Variants in HPS5 observed in about 807,000 individuals in gnomAD.
HPS5 encodes BLOC-2 complex member HPS5.
In HPS5, 83 loss-of-function variants were observed where a neutral mutation model predicts 128.0. The observed-to-expected ratio is 0.65, with a 90% confidence interval of 0.54 to 0.78. The LOEUF (loss-of-function observed/expected upper bound fraction) is 0.78, where lower values mean the gene tolerates loss of function less well. HPS5 is among the 30% of genes least tolerant of loss of function. The pLI is 0.00. For synonymous variants in HPS5, 475 were observed against 470.2 expected, an observed-to-expected ratio of 1.01 and a Z score of -0.13; for missense variants, 1,281 against 1,326.2, an observed-to-expected ratio of 0.97 and a Z score of 0.53.
At chr11:18,290,993 T>C (rs548278063) in intron 16 of HPS5, among the ~76,000 whole-genome samples, 18 of 152,260 alleles carry the variant, frequency 1.2e-4, no homozygotes, top group African/African-American at 4.1e-4. Context: ...CCAAGGCAGG[T>C]AGATCACTTG....
At position 18,291,883 on chromosome 11, in the gene HPS5, T is replaced by C. The variant is rs769356274; in HGVS notation, c.1999A>G (p.Met667Val). The change falls in exon 16 of 23, where the codon ATG becomes GTG. Residue 667 changes from methionine to valine, a missense_variant. Physicochemically the swap from Met to Val is conservative, Grantham distance 21. Coordinates refer to ENST00000349215, the MANE Select transcript of HPS5 (RefSeq NM_181507.2). ...AATAGCACATCCTGGTTCAATTTCA[T>C]GGATGAGTTGTCAGTATCTGAAACA... ...SGVSDTDNSS[M>V]KLNQDVLLVN... is the part of the protein sequence containing the mutation. The C allele has an allele frequency of 1.9e-6, 3 of 1,606,830 alleles. No individual in the cohort carries two copies. The highest frequency in any genetic ancestry group is 1.7e-5 in the Admixed American group (1 of 58,818).
chr11:18,289,843 T>C (rs1055723722), intron 16 of HPS5, among the ~76,000 whole-genome samples: 2 of 152,220 alleles, frequency 1.3e-5, no homozygotes, highest in African/African-American at 2.4e-5. Flanking sequence ...GGGCAATGCA[T>C]ATAGTTTTTA....
chr11:18,317,619 TC>T (rs772609447), intron 2 of HPS5, 131 bp downstream of exon 2: 2 of 842,816 alleles, frequency 2.4e-6, no homozygotes, highest in Non-Finnish European at 3.8e-6. Flanking sequence ...TTCTTTTTTT[TC>T]CCCCACAAAA....
chr11:18,301,824 A>C (rs913550853), intron 8 of HPS5, among the ~76,000 whole-genome samples: 14 of 152,180 alleles, frequency 9.2e-5, no homozygotes, highest in African/African-American at 3.4e-4. Flanking sequence ...GAGAAATAAA[A>C]TAATATACCA....
At chr11:18,294,086 A>G (rs796815072) in intron 14 of HPS5, among the ~76,000 whole-genome samples, 5 of 152,304 alleles carry the variant, frequency 3.3e-5, no homozygotes, top group African/African-American at 1.2e-4. Context: ...TCCCTGAACT[A>G]TAAGGCAGAA....
intron 19 of HPS5, among the ~76,000 whole-genome samples, chr11:18,285,950 C>T (rs781383884): frequency 6.6e-6 from 1 of 152,176 alleles, no homozygotes; most frequent in Non-Finnish European, 1.5e-5. Context: ...TCCCTAACCC[C>T]CACACCCAGT....
intron 18 of HPS5, chr11:18,286,930 AAG>A (rs1036666705): frequency 9.6e-6 from 6 of 623,170 alleles, no homozygotes; most frequent in African/African-American, 3.7e-5. Context: ...AAGGGAGAGA[AAG>A]AGAGAGAGAA....
At chr11:18,293,045 A>C in intron 14 of HPS5, 69 bp from the exon 15 acceptor site, 1 of 1,159,394 alleles carries the variant, frequency 8.6e-7, no homozygotes, top group Non-Finnish European at 1.3e-6. Context: ...TTTTTGAGAC[A>C]GGGTCTCACT....
At chr11:18,280,426 G>A (rs1437932353) in intron 22 of HPS5, 1 of 583,672 alleles carries the variant, frequency 1.7e-6, no homozygotes, top group African/African-American at 1.9e-5. Flanking sequence ...TGGAACTCTT[G>A]TGCACTGCTG....
At chr11:18,283,947 T>C (rs186698024) in intron 20 of HPS5, 46 bp from the exon 21 acceptor site, 146 of 1,299,948 alleles carry the variant, frequency 1.1e-4, no homozygotes, top group East Asian at 9.0e-4. Flanking sequence ...GGCCATGAAT[T>C]TATCTGGAGC....
At chr11:18,280,319 A>G (rs183366019) in intron 22 of HPS5, among the ~76,000 whole-genome samples, 135 of 152,294 alleles carry the variant, frequency 8.9e-4, no homozygotes, top group Non-Finnish European at 1.5e-3. Context: ...CAAAACCACA[A>G]TGAGATATAT....
intron 8 of HPS5, among the ~76,000 whole-genome samples, chr11:18,304,303 A>G (rs1013258297): frequency 2.0e-5 from 3 of 149,384 alleles, no homozygotes; most frequent in Non-Finnish European, 4.4e-5. Context: ...TGCAACCTCT[A>G]CCTTCCAGGT....
At chr11:18,298,751 A>G in intron 10 of HPS5, 41 bp downstream of exon 10, 1 of 1,600,184 alleles carries the variant, frequency 6.2e-7, no homozygotes, top group East Asian at 2.2e-5. Context: ...GGAGAGTTTC[A>G]CCAATCCATG....
At chr11:18,321,108 T>C (rs1402609458) in intron 1 of HPS5, among the ~76,000 whole-genome samples, 2 of 152,234 alleles carry the variant, frequency 1.3e-5, no homozygotes, top group Non-Finnish European at 2.9e-5. Context: ...TTCAATTTAT[T>C]ATCCTACTTT....
At chr11:18,283,444 C>T (rs1476455290) in intron 21 of HPS5, among the ~76,000 whole-genome samples, 1 of 151,798 alleles carries the variant, frequency 6.6e-6, no homozygotes, top group Non-Finnish European at 1.5e-5. Context: ...TTAACTGTCC[C>T]TTCTGTACCT....
chr11:18,283,326 A>AT (rs1443403486), intron 21 of HPS5, among the ~76,000 whole-genome samples: 103 of 144,834 alleles, frequency 7.1e-4, no homozygotes, highest in Non-Finnish European at 8.8e-4. Context: ...TTAATGGGAA[A>AT]TTAAAAAAAA....
chr11:18,303,196 C>T (rs1242228829), intron 8 of HPS5, among the ~76,000 whole-genome samples: 1 of 152,114 alleles, frequency 6.6e-6, no homozygotes, highest in African/African-American at 2.4e-5. Flanking sequence ...GAAAAGAAGC[C>T]CTCCTCTTCA....
intron 14 of HPS5, 143 bp downstream of exon 14, chr11:18,294,877 A>G (rs1860865323): frequency 2.5e-6 from 2 of 789,242 alleles, no homozygotes; most frequent in Non-Finnish European, 4.2e-6. Context: ...AAACTTTACA[A>G]ATTTGTGTTG....
rs901598548 is a variant in HPS5, at chr11:18,321,954, C to G, written c.-58G>C. On this transcript the variant is annotated 5_prime_UTR_variant, in exon 1 of 23. Coordinates refer to ENST00000349215, the MANE Select transcript of HPS5 (RefSeq NM_181507.2). ...CCTAGTGGAACTACTACCTTTTTAA[C>G]AGCAGTAACTTTAATATCTTGAGAT... is the stretch of plus-strand genomic sequence containing the variant. 2 of 152,284 alleles carry G rather than the reference C, an allele frequency of 1.3e-5. No individual in the cohort carries two copies. The highest frequency in any genetic ancestry group is 4.8e-5 in the African/African-American group (2 of 41,466). The allele number at this position is 152,284 out of a possible 1,614,324, so 9.4% of individuals were successfully genotyped here.
Sources: gnomAD v4.1 joint callset for allele counts (sites outside exome capture counted in the v4.1 genomes callset) on GRCh38, gnomAD v4.1.1 for gene constraint, MANE v1.5 for transcripts, NCBI Gene and HGNC (gene_info 2026-07-23, HGNC 2026-07-21) for gene names.